Variants in KANSL1L observed in about 807,000 individuals in gnomAD.
The protein encoded by KANSL1L is KAT8 regulatory NSL complex subunit 1 like, also known as KAT8 regulatory NSL complex subunit 1-like protein.
KANSL1L carries 25 observed loss-of-function variants against 108.6 expected under a neutral mutation model. That is an observed-to-expected ratio of 0.23 (90% CI 0.17 to 0.32). KANSL1L has a LOEUF of 0.32. Ranked by LOEUF, KANSL1L falls within the 10% of genes least tolerant of loss-of-function variation. KANSL1L has a pLI of 1.00. For synonymous variants in KANSL1L, 405 were observed against 395.1 expected (o/e 1.03, Z -0.30); for missense variants, 1,137 against 1,125.7 (o/e 1.01, Z -0.14).
intron 3 of KANSL1L, among the ~76,000 whole-genome samples, chr2:210,111,757 A>C (rs1411724874): frequency 6.6e-6 from 1 of 151,792 alleles, no homozygotes; most frequent in Non-Finnish European, 1.5e-5. Flanking sequence ...TTATACTTTA[A>C]GTTTTAGGGT....
At chr2:210,068,398 A>G (rs2094483206) in intron 6 of KANSL1L, among the ~76,000 whole-genome samples, 1 of 152,128 alleles carries the variant, frequency 6.6e-6, no homozygotes, top group African/African-American at 2.4e-5. Context: ...AAATCTCTTC[A>G]GTCAGTGTGT....
chr2:210,068,833 C>G (rs967416419), intron 6 of KANSL1L, among the ~76,000 whole-genome samples: 1 of 152,130 alleles, frequency 6.6e-6, no homozygotes, highest in Non-Finnish European at 1.5e-5. Context: ...TCTCAAAATT[C>G]TTTCTGGATA....
At chr2:210,037,405 C>CA (rs373896326) in intron 8 of KANSL1L, among the ~76,000 whole-genome samples, 1 of 152,110 alleles carries the variant, frequency 6.6e-6, no homozygotes, top group African/African-American at 2.4e-5. Context: ...CTTTTGAAAA[C>CA]AATCTAGTCT....
chr2:210,044,443 T>G lies in KANSL1L; in HGVS notation c.1756-339A>C, dbSNP rs2094201470. On this transcript the variant is annotated intron_variant, in intron 6 of 14. Transcript: ENST00000281772. This position sits in a 1 kb window ranked among gnomAD's most constrained non-coding sequence, Gnocchi z 4.2. ...TTTCCTTCAATCCTACTAGTTTTTT[T>G]TTTAGGGAGTTCCAACCATGCTGGA... 6.6e-6 allele frequency among the ~76,000 whole-genome samples: 1 copy of G among 152,072 alleles called. No homozygotes were observed. The highest frequency in any genetic ancestry group is 2.1e-4 in the South Asian group (1 of 4,824).
intron 3 of KANSL1L, among the ~76,000 whole-genome samples, chr2:210,106,930 T>C (rs190854427): frequency 2.1e-4 from 32 of 152,174 alleles, no homozygotes; most frequent in African/African-American, 7.0e-4. Flanking sequence ...GGGTTGAATA[T>C]TTATATTTAA....
intron 1 of KANSL1L, among the ~76,000 whole-genome samples, chr2:210,170,040 G>T (rs1423731024): frequency 6.6e-6 from 1 of 152,160 alleles, no homozygotes; most frequent in Non-Finnish European, 1.5e-5. Context: ...GAAATGGCTA[G>T]TTATTAAGAA....
intron 2 of KANSL1L, among the ~76,000 whole-genome samples, chr2:210,150,345 T>C (rs1448384866): frequency 1.3e-5 from 2 of 152,198 alleles, no homozygotes; most frequent in Admixed American, 6.5e-5. Flanking sequence ...AAAAAAATTT[T>C]TTTTCTATCA....
chr2:210,135,962 C>A (rs1047615239), intron 2 of KANSL1L, among the ~76,000 whole-genome samples: 1 of 149,242 alleles, frequency 6.7e-6, no homozygotes, highest in Non-Finnish European at 1.5e-5. Flanking sequence ...CATATATGCA[C>A]ACATTCATGA....
intron 6 of KANSL1L, among the ~76,000 whole-genome samples, chr2:210,060,047 G>C (rs193126342): frequency 6.6e-6 from 1 of 152,056 alleles, no homozygotes; most frequent in Non-Finnish European, 1.5e-5. Context: ...CCAGCTTCCA[G>C]TAAGAATTTA....
chr2:210,153,632 T>G lies in KANSL1L; in HGVS notation c.951A>C (p.Thr317=). ...ATGCAAATCTTTGGATTTCCGCAGC[T>G]GTACACCGTGCAAAGCCATTTTTTG... The part of the protein sequence containing the change: ...DDAKNGFARC[T]AAEIQRFAFS... Residue 317 remains threonine, a synonymous_variant, in exon 2 of 15, where the codon ACA becomes ACC. Transcript: ENST00000281772. The G allele has an allele frequency of 6.2e-7, 1 of 1,613,228 alleles. No homozygotes were observed. The highest frequency in any genetic ancestry group is 8.5e-7 in the Non-Finnish European group (1 of 1,179,742).
chr2:210,125,595 C>T (rs987718060), intron 3 of KANSL1L, among the ~76,000 whole-genome samples: 3 of 152,122 alleles, frequency 2.0e-5, no homozygotes, highest in Non-Finnish European at 2.9e-5. Flanking sequence ...AAATTCATCA[C>T]CATATTAACA....
chr2:210,157,767 T>C lies in KANSL1L; in HGVS notation c.-29-3156A>G, dbSNP rs1211822438. The stretch of plus-strand genomic sequence containing the variant: ...TGGCTCATGCCTATAATCCCAGCAC[T>C]CTGGGAGGCCTAAGAGGTGGATCGT... On this transcript the variant is annotated intron_variant, in intron 1 of 14. Coordinates refer to ENST00000281772, the MANE Select transcript of KANSL1L (RefSeq NM_152519.4). Among the ~76,000 whole-genome samples, 8 of 137,912 alleles carry C rather than the reference T, an allele frequency of 5.8e-5. 1 individual carries two copies. The Admixed American group carries it at 5.9e-4, about 10-fold the overall frequency. 90.5% of individuals were successfully genotyped at this position (137,912 alleles called of 152,430 possible). A position where few individuals can be genotyped will look rare whatever the true frequency, so the allele number is the denominator to read the frequency against.
Position 210,117,571 on chromosome 2 carries a change from G to A in KANSL1L, c.1230+11460C>T, listed in dbSNP as rs1052575678. ...CAGACTTCTCAGGGGAAACCTTACA[G>A]GTGAGGAGTGAGTGGCATGACATAT... On this transcript the variant is annotated intron_variant, in intron 3 of 14. Transcript: ENST00000281772. Among the ~76,000 whole-genome samples the A allele has an allele frequency of 3.9e-5, 6 of 152,258 alleles. No homozygotes were observed. In the East Asian group the frequency reaches 5.8e-4, roughly 15 times the overall value.
chr2:210,128,983 A>C, intron 3 of KANSL1L, 48 bp downstream of exon 3: 1 of 1,463,040 alleles, frequency 6.8e-7, no homozygotes, highest in Non-Finnish European at 9.4e-7. Flanking sequence ...AAGGAATGAA[A>C]ACATTAACAA....
intron 6 of KANSL1L, among the ~76,000 whole-genome samples, chr2:210,074,652 G>A (rs1054824942): frequency 6.6e-6 from 1 of 152,194 alleles, no homozygotes; most frequent in African/African-American, 2.4e-5. Context: ...ACCGTGCCGG[G>A]CAGGAAAAGT....
intron 2 of KANSL1L, among the ~76,000 whole-genome samples, chr2:210,133,126 G>A (rs1488463305): frequency 6.6e-6 from 1 of 151,942 alleles, no homozygotes; most frequent in Non-Finnish European, 1.5e-5. Flanking sequence ...ATAAGGATTG[G>A]TTCCAGGACC....
At chr2:210,136,223 A>G (rs1230250015) in intron 2 of KANSL1L, among the ~76,000 whole-genome samples, 1 of 152,158 alleles carries the variant, frequency 6.6e-6, no homozygotes, top group Non-Finnish European at 1.5e-5. Context: ...GTATTAATTA[A>G]AAATAATTCA....
intron 3 of KANSL1L, among the ~76,000 whole-genome samples, chr2:210,118,980 G>C (rs6435552): frequency 0.95 from 144,756 of 152,150 alleles, 69,262 homozygotes; most frequent in East Asian, 1. Context: ...CTATCCTGGC[G>C]AACATGGTGA....
At chr2:210,096,870 G>C in intron 5 of KANSL1L, 1 of 637,352 alleles carries the variant, frequency 1.6e-6, no homozygotes, top group Non-Finnish European at 2.0e-6. Context: ...AATAGTAAAA[G>C]TATTAAAGAT....
Sources: allele counts gnomAD v4.1 joint callset (sites outside exome capture counted in the v4.1 genomes callset), GRCh38; gene constraint gnomAD v4.1.1; non-coding constraint Gnocchi (gnomAD v3.1); transcripts MANE v1.5; gene names NCBI Gene and HGNC (gene_info 2026-07-23, HGNC 2026-07-21).